The following AFG1L variants were observed in gnomAD, a reference collection of about 807,000 sequenced individuals.
AFG1L encodes AFG1 like ATPase.
In AFG1L, 53 loss-of-function variants were observed where a neutral mutation model predicts 62.2. The ratio of observed to expected loss-of-function variants is 0.85; its 90% CI spans 0.68 to 1.07. The LOEUF (loss-of-function observed/expected upper bound fraction) is 1.07. Among genes scored for constraint, AFG1L ranks in the 50% least tolerant of loss-of-function variants. AFG1L has a pLI of 0.00. For missense variants in AFG1L, 555 were observed against 590.5 expected, an observed-to-expected ratio of 0.94 and a Z score of 0.62; for synonymous variants, 228 against 210.3, an observed-to-expected ratio of 1.08 and a Z score of -0.73.
chr6:108,330,135 C>T (rs373726828), intron 2 of AFG1L, among the ~76,000 whole-genome samples: 5 of 151,918 alleles, frequency 3.3e-5, no homozygotes, highest in African/African-American at 1.2e-4. Context: ...GTCCCTCAAA[C>T]ATGGACTTCT....
chr6:108,460,744 T>G (rs1280435686), intron 8 of AFG1L, among the ~76,000 whole-genome samples: 2 of 152,042 alleles, frequency 1.3e-5, no homozygotes, highest in Non-Finnish European at 2.9e-5. Flanking sequence ...GATCATGAGG[T>G]CAGGAGATTG....
chr6:108,407,485 C>T (rs184249933), intron 7 of AFG1L, among the ~76,000 whole-genome samples: 1 of 152,112 alleles, frequency 6.6e-6, no homozygotes, highest in Admixed American at 6.5e-5. Context: ...TTGAGACCAG[C>T]CTGAGCAACA....
chr6:108,501,244 T>C (rs900394318), intron 10 of AFG1L, among the ~76,000 whole-genome samples: 1 of 152,156 alleles, frequency 6.6e-6, no homozygotes, highest in African/African-American at 2.4e-5. Context: ...CCGCCTGCCT[T>C]GGCCTCCCAA....
At chr6:108,354,279 C>T (rs1779183337) in intron 3 of AFG1L, among the ~76,000 whole-genome samples, 1 of 152,068 alleles carries the variant, frequency 6.6e-6, no homozygotes, top group Non-Finnish European at 1.5e-5. Context: ...TGCCTGAAAC[C>T]TCACATAGTA....
rs1771227987 is a variant in AFG1L at position 108,434,664 on chromosome 6, C to G, written c.808-12550C>G. ...TGATCCGATCCTGTCACCTCCCTTC[C>G]TAAATCTTTACATTACTTCCATTTT... On this transcript the variant is annotated intron_variant, in intron 7 of 12. Transcript: ENST00000368977. Among the ~76,000 whole-genome samples the G allele has an allele frequency of 2.0e-5, 3 of 152,176 alleles. No homozygotes were observed. In the South Asian group the frequency reaches 6.2e-4, roughly 32 times the overall value.
chr6:108,517,676 T>C (rs1190525714), intron 11 of AFG1L, among the ~76,000 whole-genome samples: 2 of 152,086 alleles, frequency 1.3e-5, no homozygotes, highest in African/African-American at 2.4e-5. Flanking sequence ...ACTGAAGAGC[T>C]TCTGCCCAGC....
At chr6:108,488,379 A>G (rs1773647767) in intron 10 of AFG1L, among the ~76,000 whole-genome samples, 1 of 152,174 alleles carries the variant, frequency 6.6e-6, no homozygotes. Context: ...TATGACCAGA[A>G]TGCTATGGAT....
chr6:108,426,433 G>T (rs1179363084), intron 7 of AFG1L, among the ~76,000 whole-genome samples: 1 of 152,144 alleles, frequency 6.6e-6, no homozygotes, highest in Non-Finnish European at 1.5e-5. Flanking sequence ...GTGTTTGGTA[G>T]TATAGTTATA....
At chr6:108,358,490 G>A (rs1779387552) in intron 5 of AFG1L, among the ~76,000 whole-genome samples, 1 of 152,078 alleles carries the variant, frequency 6.6e-6, no homozygotes, top group Admixed American at 6.5e-5. Context: ...TTTTAAAAAT[G>A]TAGATTTCAA....
chr6:108,439,318 T>G (rs1283798861), intron 7 of AFG1L, among the ~76,000 whole-genome samples: 1 of 152,224 alleles, frequency 6.6e-6, no homozygotes, highest in African/African-American at 2.4e-5. Flanking sequence ...ACCTGTAGTA[T>G]TCAATTATGT....
At chr6:108,456,136 AG>A (rs1772243532) in intron 8 of AFG1L, among the ~76,000 whole-genome samples, 1 of 152,124 alleles carries the variant, frequency 6.6e-6, no homozygotes, top group Middle Eastern at 3.2e-3. Flanking sequence ...ATAAATGTTT[AG>A]GATTGATATG....
rs921921314 is a variant in AFG1L, at chr6:108,520,141, C to T, written c.1317+331C>T. The T allele has an allele frequency of 6.8e-5, 15 of 220,824 alleles. No individual in the cohort carries two copies. The Admixed American group carries it at 7.3e-4, about 11-fold the overall frequency. 13.7% of individuals were successfully genotyped at this position (220,824 alleles called of 1,614,324 possible). A position where few individuals can be genotyped will look rare whatever the true frequency, so the allele number is the denominator to read the frequency against. On this transcript the variant is annotated intron_variant, in intron 12 of 12. Transcript: ENST00000368977. ...AGCTGGATGCCAAACCACCTGTGCCCGGTTCTGGGCTTGCTCTGCTATACC... is the reference window on the plus strand; with the variant it reads ...AGCTGGATGCCAAACCACCTGTGCCTGGTTCTGGGCTTGCTCTGCTATACC...
At chr6:108,475,941 G>A (rs1773087829) in intron 8 of AFG1L, among the ~76,000 whole-genome samples, 1 of 152,128 alleles carries the variant, frequency 6.6e-6, no homozygotes, top group Non-Finnish European at 1.5e-5. Flanking sequence ...TAGTTTAATT[G>A]CTTCCACTAC....
At chr6:108,455,312 A>G (rs1772211184) in intron 8 of AFG1L, among the ~76,000 whole-genome samples, 1 of 152,124 alleles carries the variant, frequency 6.6e-6, no homozygotes, top group Non-Finnish European at 1.5e-5. Flanking sequence ...TTTTAATAGA[A>G]CTATTCTCTT....
At chr6:108,387,097 A>G (rs1045388265) in intron 6 of AFG1L, among the ~76,000 whole-genome samples, 1 of 152,252 alleles carries the variant, frequency 6.6e-6, no homozygotes, top group African/African-American at 2.4e-5. Context: ...CTTTAAAAAT[A>G]AAGACACAGA....
intron 8 of AFG1L, among the ~76,000 whole-genome samples, chr6:108,468,759 C>CTTT (rs34963344): frequency 7.2e-6 from 1 of 138,854 alleles, no homozygotes; most frequent in African/African-American, 2.7e-5. Context: ...TTCTATTTTC[C>CTTT]TTTTTTTTTT....
rs141626790 is a variant in AFG1L at position 108,380,524 on chromosome 6, G to T, written c.748+14192G>T. ...CTCTTCCGTGCCAGGCTTGTGACAG[G>T]GGAGAGCACAATTCCAGCACCTACT... On this transcript the variant is annotated intron_variant, in intron 6 of 12. Coordinates refer to ENST00000368977, the MANE Select transcript of AFG1L (RefSeq NM_145315.5). 8.0e-4 allele frequency among the ~76,000 whole-genome samples: 122 copies of T among 152,290 alleles called. 2 individuals carry two copies. The East Asian group carries it at 0.021, about 27-fold the overall frequency.
intron 7 of AFG1L, among the ~76,000 whole-genome samples, chr6:108,402,655 G>A (rs935785516): frequency 2.6e-5 from 4 of 151,972 alleles, no homozygotes; most frequent in African/African-American, 9.6e-5. Flanking sequence ...TGAATAGTTT[G>A]CATTTTATAA....
intron 10 of AFG1L, among the ~76,000 whole-genome samples, chr6:108,501,155 G>A (rs1010306866): frequency 2.6e-5 from 4 of 152,104 alleles, no homozygotes; most frequent in Non-Finnish European, 5.9e-5. Context: ...CACCATGCCT[G>A]GCTAATACTT....
Sources: gnomAD v4.1 joint callset for allele counts (sites outside exome capture counted in the v4.1 genomes callset) on GRCh38, gnomAD v4.1.1 for gene constraint, MANE v1.5 for transcripts, NCBI Gene and HGNC (gene_info 2026-07-23, HGNC 2026-07-21) for gene names.